Variants in FNDC3B observed in about 807,000 individuals in gnomAD.
FNDC3B encodes fibronectin type III domain containing 3B, also known as fibronectin type III domain-containing protein 3B.
In FNDC3B, 12 loss-of-function variants were observed where a neutral mutation model predicts 151.5. That is an observed-to-expected ratio of 0.08 (90% CI 0.05 to 0.13). The LOEUF (loss-of-function observed/expected upper bound fraction) is 0.13, where lower values mean the gene tolerates loss of function less well. Among genes scored for constraint, FNDC3B ranks in the 10% least tolerant of loss-of-function variants. The pLI is 1.00. For missense variants in FNDC3B, 1,214 were observed against 1,505.3 expected, an observed-to-expected ratio of 0.81 and a Z score of 3.20; for synonymous variants, 528 against 549.0, an observed-to-expected ratio of 0.96 and a Z score of 0.54.
intron 3 of FNDC3B, among the ~76,000 whole-genome samples, chr3:172,175,133 T>C (rs1281493669): frequency 6.6e-6 from 1 of 151,776 alleles, no homozygotes; most frequent in Non-Finnish European, 1.5e-5. Flanking sequence ...AGTCCAGGGT[T>C]CTTGTCTCCT....
chr3:172,294,294 G>A lies in FNDC3B; in HGVS notation c.850-1069G>A, dbSNP rs1043546796. Among the ~76,000 whole-genome samples the A allele has an allele frequency of 1.3e-4, 20 of 152,188 alleles. 1 individual carries two copies. The highest frequency in any genetic ancestry group is 6.2e-4 in the South Asian group (3 of 4,826). On this transcript the variant is annotated intron_variant, in intron 7 of 25. Transcript: ENST00000415807. ...GCTATGAAGAGCTACCTGAGATTGGGTAATTTATGAAGAAAAGAGGTTTAA... is the reference window on the plus strand; with the variant it reads ...GCTATGAAGAGCTACCTGAGATTGGATAATTTATGAAGAAAAGAGGTTTAA...
intron 25 of FNDC3B, among the ~76,000 whole-genome samples, chr3:172,396,487 C>A (rs779809672): frequency 1.3e-5 from 2 of 152,020 alleles, no homozygotes; most frequent in Non-Finnish European, 2.9e-5. Context: ...AAACATAGAC[C>A]TATTTGTATT....
At chr3:172,278,236 A>G (rs1406597186) in intron 6 of FNDC3B, among the ~76,000 whole-genome samples, 2 of 152,240 alleles carry the variant, frequency 1.3e-5, no homozygotes, top group Non-Finnish European at 2.9e-5. Context: ...AAAGTATTGT[A>G]TAAGCTGCTT....
chr3:172,389,982 T>C (rs7616368), intron 25 of FNDC3B, among the ~76,000 whole-genome samples: 17,810 of 152,290 alleles, frequency 0.12, 1,268 homozygotes, highest in African/African-American at 0.21. Context: ...GTGGTCTGTG[T>C]GTGCATCTTA....
chr3:172,378,324 G>A lies in FNDC3B; in HGVS notation c.3063G>A (p.Thr1021=), dbSNP rs561549306. The change falls in exon 24 of 26, where the codon ACG becomes ACA. Residue 1021 remains threonine, a synonymous_variant. Coordinates refer to ENST00000415807, the MANE Select transcript of FNDC3B (RefSeq NM_022763.4). The part of the protein sequence containing the change: ...PSHTYKVQRL[T]EFTCYSFRIQ... Reference sequence around the variant, plus strand: ...ACACCTACAAGGTCCAGAGACTGACGGAATTCACATGCTACTCCTTCAGAA... The same window carrying A: ...ACACCTACAAGGTCCAGAGACTGACAGAATTCACATGCTACTCCTTCAGAA... The A allele has an allele frequency of 2.8e-4, 447 of 1,613,844 alleles. 7 individuals carry two copies. In the South Asian group the frequency reaches 4.6e-3, roughly 16 times the overall value.
At chr3:172,395,360 C>T (rs755715553) in intron 25 of FNDC3B, among the ~76,000 whole-genome samples, 5 of 152,164 alleles carry the variant, frequency 3.3e-5, no homozygotes, top group Non-Finnish European at 7.4e-5. Flanking sequence ...CCTTGTGAGA[C>T]CTTCTTCCTC....
At chr3:172,177,795 G>A (rs945073831) in intron 3 of FNDC3B, among the ~76,000 whole-genome samples, 16 of 151,680 alleles carry the variant, frequency 1.1e-4, no homozygotes, top group African/African-American at 3.4e-4. Flanking sequence ...TTAACCCATC[G>A]CCTAGGTATT....
At chr3:172,263,471 A>G (rs924464166) in intron 6 of FNDC3B, among the ~76,000 whole-genome samples, 1 of 151,928 alleles carries the variant, frequency 6.6e-6, no homozygotes, top group South Asian at 2.1e-4. Context: ...TTTTGTTGGA[A>G]TGTTGCTCCA....
intron 18 of FNDC3B, among the ~76,000 whole-genome samples, chr3:172,343,609 T>G (rs1733451300): frequency 6.6e-6 from 1 of 152,248 alleles, no homozygotes; most frequent in South Asian, 2.1e-4. Context: ...TTTCCTGTTG[T>G]GTCCAGCAGT....
intron 3 of FNDC3B, among the ~76,000 whole-genome samples, chr3:172,174,959 T>C (rs1385832759): frequency 1.6e-5 from 1 of 63,714 alleles, no homozygotes; most frequent in Non-Finnish European, 3.2e-5. Context: ...TACAATTTGC[T>C]GTCCATCCGG....
chr3:172,267,518 T>C (rs1286453290), intron 6 of FNDC3B, among the ~76,000 whole-genome samples: 2 of 152,180 alleles, frequency 1.3e-5, no homozygotes, highest in African/African-American at 2.4e-5. Flanking sequence ...ACAACTGTGC[T>C]GGAAATAGAA....
In FNDC3B at chr3:172,318,397, G is replaced by C. The variant is rs1282953321; in HGVS notation, c.1254+7516G>C. Among the ~76,000 whole-genome samples the C allele has an allele frequency of 3.3e-5, 5 of 152,344 alleles. No homozygotes were observed. In the South Asian group the frequency reaches 6.2e-4, roughly 19 times the overall value. On this transcript the variant is annotated intron_variant, in intron 11 of 25. Transcript: ENST00000415807. The stretch of plus-strand genomic sequence containing the variant: ...TCATTCAGGAGGAGCCTTGTTTAGG[G>C]ATTGAGTTGGCCCCGTAGAAGATAA...
At position 172,131,412 on chromosome 3, in the gene FNDC3B, C is replaced by A. The variant is rs113034821; in HGVS notation, c.112-2059C>A. On this transcript the variant is annotated intron_variant, in intron 2 of 25. Coordinates refer to ENST00000415807, the MANE Select transcript of FNDC3B (RefSeq NM_022763.4). ...CCGTCTCAAGAAAAAAAAAAAAAAACCAAATATTTTAATCATTCTAGAGAT... is the reference window on the plus strand; with the variant it reads ...CCGTCTCAAGAAAAAAAAAAAAAAAACAAATATTTTAATCATTCTAGAGAT... Among the ~76,000 whole-genome samples, 217 of 150,262 alleles carry A rather than the reference C, an allele frequency of 1.4e-3. 2 individuals are homozygous for A. Among genetic ancestry groups the A allele is most frequent in the Middle Eastern group, 3.4e-3 (1 of 290 alleles).
At chr3:172,081,157 A>C (rs1021893182) in intron 1 of FNDC3B, among the ~76,000 whole-genome samples, 5 of 152,208 alleles carry the variant, frequency 3.3e-5, no homozygotes, top group Admixed American at 6.5e-5. Flanking sequence ...ATTGATTGGC[A>C]CTAGTGGTTT....
chr3:172,091,651 C>T (rs923114190), intron 1 of FNDC3B, among the ~76,000 whole-genome samples: 5 of 152,064 alleles, frequency 3.3e-5, no homozygotes, highest in Admixed American at 1.3e-4. Context: ...GTAACTTTGT[C>T]ACTGCAGTTG....
intron 3 of FNDC3B, among the ~76,000 whole-genome samples, chr3:172,147,420 TG>T (rs975753430): frequency 5.9e-5 from 9 of 152,322 alleles, no homozygotes; most frequent in Admixed American, 5.2e-4. Flanking sequence ...ATGAAATGAT[TG>T]GACTGGGACT....
In FNDC3B at chr3:172,374,546, C is replaced by T. The variant is rs1735036905; in HGVS notation, c.3009-3724C>T. ...AGTAGCTGGGACTACAGGCACGCAT[C>T]ACCACGCCTGGCTAATTTTTGTGTT... On this transcript the variant is annotated intron_variant, in intron 23 of 25. Coordinates refer to ENST00000415807, the MANE Select transcript of FNDC3B (RefSeq NM_022763.4). Among the ~76,000 whole-genome samples, 5 of 152,172 alleles carry T rather than the reference C, an allele frequency of 3.3e-5. No individual in the cohort carries two copies. In the South Asian group the frequency reaches 1.0e-3, roughly 32 times the overall value.
At chr3:172,117,948 T>G (rs902619426) in intron 2 of FNDC3B, among the ~76,000 whole-genome samples, 3 of 152,264 alleles carry the variant, frequency 2.0e-5, no homozygotes, top group African/African-American at 7.2e-5. Context: ...TATCATCTAC[T>G]TGCCCTGGAA....
In FNDC3B at chr3:172,307,350, G is replaced by A. The variant is rs751093704; in HGVS notation, c.1062-13G>A. On this transcript the variant is annotated splice_polypyrimidine_tract_variant and intron_variant, in intron 9 of 25. Transcript: ENST00000415807. The stretch of plus-strand genomic sequence containing the variant: ...TGAGTCACTGCCACTGACTGTGTCT[G>A]TTTTGTTTTCAGGGTGTATGCCATG... The A allele has an allele frequency of 1.2e-6, 2 of 1,614,036 alleles. No homozygotes were observed. The highest frequency in any genetic ancestry group is 2.2e-5 in the East Asian group (1 of 44,882).
Sources: gnomAD v4.1 joint callset for allele counts (sites outside exome capture counted in the v4.1 genomes callset) on GRCh38, gnomAD v4.1.1 for gene constraint, MANE v1.5 for transcripts, NCBI Gene and HGNC (gene_info 2026-07-23, HGNC 2026-07-21) for gene names.